FIBCD1: variants seen among roughly 807,000 people sequenced by gnomAD.
FIBCD1 encodes the protein fibrinogen C domain containing 1.
Under a neutral mutation model 45.1 loss-of-function variants are expected in FIBCD1, and 47 were observed. The observed-to-expected ratio is 1.04, with a 90% confidence interval of 0.82 to 1.33. The LOEUF (loss-of-function observed/expected upper bound fraction) is 1.33, where lower values mean the gene tolerates loss of function less well. Ranked by LOEUF, FIBCD1 falls within the 40% of genes most tolerant of loss-of-function variation. FIBCD1 has a pLI of 0.00. For missense variants in FIBCD1, 653 were observed against 682.2 expected (o/e 0.96, Z 0.48); for synonymous variants, 313 against 308.1 (o/e 1.02, Z -0.17).
chr9:130,903,871 G>T lies in FIBCD1; in HGVS notation c.*193C>A. The stretch of plus-strand genomic sequence containing the variant: ...AGATCAGTGAGCTGCCAAATGGAGG[G>T]GGTGGGGACGGCGAGAAGGCGATGT... On this transcript the variant is annotated 3_prime_UTR_variant, in exon 7 of 7. Coordinates refer to ENST00000372338, the MANE Select transcript of FIBCD1 (RefSeq NM_032843.5). The T allele has an allele frequency of 1.4e-6, 1 of 714,008 alleles. No individual in the cohort carries two copies. Among genetic ancestry groups the T allele is most frequent in the Non-Finnish European group, 2.5e-6 (1 of 404,012 alleles). 44.2% of individuals were successfully genotyped at this position (714,008 alleles called of 1,614,324 possible).
At chr9:130,911,695 C>T (rs1397202591) in intron 5 of FIBCD1, 97 bp downstream of exon 5, 7 of 1,145,768 alleles carry the variant, frequency 6.1e-6, no homozygotes, top group African/African-American at 1.6e-5. Flanking sequence ...CAGGGAAACC[C>T]AGCCCAAACC....
intron 5 of FIBCD1, among the ~76,000 whole-genome samples, chr9:130,909,346 G>T (rs1276921147): frequency 6.6e-6 from 1 of 152,234 alleles, no homozygotes; most frequent in African/African-American, 2.4e-5. Context: ...AGTGCAGGAG[G>T]ACACTGTGGG....
intron 5 of FIBCD1, among the ~76,000 whole-genome samples, chr9:130,907,794 G>A (rs1831960227): frequency 6.6e-6 from 1 of 151,816 alleles, no homozygotes; most frequent in South Asian, 2.1e-4. Flanking sequence ...AGCTACTTGG[G>A]AGGCTGAGGC....
intron 1 of FIBCD1, 132 bp downstream of exon 1, chr9:130,938,404 G>T: frequency 1.4e-6 from 1 of 720,824 alleles, no homozygotes; most frequent in Non-Finnish European, 2.0e-6. Flanking sequence ...TCCCCATCCC[G>T]GCCCGGGCCT....
rs899873676 is a variant in FIBCD1, at chr9:130,926,045, C to T, written c.553-1649G>A. 2.0e-5 allele frequency among the ~76,000 whole-genome samples: 3 copies of T among 152,086 alleles called. No homozygotes were observed. Among genetic ancestry groups the T allele is most frequent in the Admixed American group, 6.5e-5 (1 of 15,274 alleles). ...GAGGAGCAGAGATGGGCAGGCAGGG[C>T]GTTTGGGTTTCACGGCAGCATCCTG... On this transcript the variant is annotated intron_variant, in intron 2 of 6. Coordinates refer to ENST00000372338, the MANE Select transcript of FIBCD1 (RefSeq NM_032843.5). This position sits in a 1 kb window ranked among gnomAD's most constrained non-coding sequence, Gnocchi z 4.1.
In FIBCD1 at chr9:130,924,346, G is replaced by A. The variant is rs141420720; in HGVS notation, c.603C>T (p.Ser201=). ...GHMAHLVNSV[S]DILDALQRDR... is the part of the protein sequence containing the mutation. Reference sequence around the variant, plus strand: ...CCCTCTGCAGGGCATCCAGGATGTCGCTGACGGAGTTCACCAGGTGAGCCA... The same window carrying A: ...CCCTCTGCAGGGCATCCAGGATGTCACTGACGGAGTTCACCAGGTGAGCCA... Residue 201 remains serine, a synonymous_variant, in exon 3 of 7, where the codon AGC becomes AGT. Transcript: ENST00000372338. 123 of 1,608,986 alleles carry A rather than the reference G, an allele frequency of 7.6e-5. No homozygotes were observed. Among genetic ancestry groups the A allele is most frequent in the Middle Eastern group, 3.3e-4 (2 of 6,074 alleles).
At chr9:130,915,659 G>A (rs1019653417) in intron 4 of FIBCD1, among the ~76,000 whole-genome samples, 4 of 152,110 alleles carry the variant, frequency 2.6e-5, no homozygotes, top group Non-Finnish European at 5.9e-5. Flanking sequence ...CCGAGATCGC[G>A]CCACTGCACT....
chr9:130,929,437 C>G, intron 2 of FIBCD1, 130 bp downstream of exon 2: 1 of 1,234,904 alleles, frequency 8.1e-7, no homozygotes, highest in South Asian at 2.0e-5. Flanking sequence ...TAGATGGGAA[C>G]AGCAGTAGCC....
At chr9:130,912,395 A>C (rs1374164784) in intron 4 of FIBCD1, among the ~76,000 whole-genome samples, 1 of 63,192 alleles carries the variant, frequency 1.6e-5, no homozygotes. Context: ...TCTCTCTCAA[A>C]AAAAAAAAAA....
rs1430132332 is a variant in FIBCD1 at position 130,917,257 on chromosome 9, G to A, written c.850-5369C>T. Among the ~76,000 whole-genome samples, 5 of 152,250 alleles carry A rather than the reference G, an allele frequency of 3.3e-5. No homozygotes were observed. In the East Asian group the frequency reaches 7.7e-4, roughly 23 times the overall value. ...TTGAGTAGAAACACTCGCCGCAGCC[G>A]CAGCCTCTTGGGCAGATGCCACGAG... On this transcript the variant is annotated intron_variant, in intron 4 of 6. Transcript: ENST00000372338.
intron 1 of FIBCD1, among the ~76,000 whole-genome samples, chr9:130,931,561 C>T (rs56842876): frequency 9.2e-5 from 14 of 152,242 alleles, no homozygotes; most frequent in African/African-American, 2.9e-4. Context: ...AGGGCAGGCG[C>T]GATAAAAAAC....
intron 2 of FIBCD1, among the ~76,000 whole-genome samples, chr9:130,925,961 C>T (rs1431432900): frequency 2.0e-5 from 3 of 152,210 alleles, no homozygotes; most frequent in Admixed American, 6.5e-5. Context: ...CTTTTAGTTT[C>T]CCTGTCAGTT....
rs1211434522 is a variant in FIBCD1 at position 130,926,537 on chromosome 9, A to AG, written c.553-2142dup. 1.3e-5 allele frequency among the ~76,000 whole-genome samples: 2 copies of AG among 152,166 alleles called. No homozygotes were observed. Among genetic ancestry groups the AG allele is most frequent in the East Asian group, 3.9e-4 (2 of 5,184 alleles). On this transcript the variant is annotated intron_variant, in intron 2 of 6. Transcript: ENST00000372338. The surrounding 1 kb of genome is among the most constrained non-coding windows in gnomAD (Gnocchi z 4.1). ...TGCCTCTCCATAAAATGGGATAACA[A>AG]GGCCGGGTGTGGTGGCTCACGCCTG... is the stretch of plus-strand genomic sequence containing the variant.
In FIBCD1 at chr9:130,902,693, C is replaced by T. The variant is rs963753828; in HGVS notation, c.*1371G>A. ...AGGCTGACTCCAGCCCTTTCGGAGGCCCCCCATCAGGAGGCCTTGGAAAAG... is the reference window on the plus strand; with the variant it reads ...AGGCTGACTCCAGCCCTTTCGGAGGTCCCCCATCAGGAGGCCTTGGAAAAG... On this transcript the variant is annotated 3_prime_UTR_variant, in exon 7 of 7. Transcript: ENST00000372338. 1 of 79,092 alleles carries T rather than the reference C, an allele frequency of 1.3e-5. No homozygotes were observed. Among genetic ancestry groups the T allele is most frequent in the Non-Finnish European group, 3.0e-5 (1 of 33,174 alleles). The allele number at this position is 79,092 out of a possible 1,614,324, so 4.9% of individuals were successfully genotyped here. A position where few individuals can be genotyped will look rare whatever the true frequency, so the allele number is the denominator to read the frequency against.
At chr9:130,940,325 CT>C, upstream of FIBCD1, among the ~76,000 whole-genome samples, 1 of 152,382 alleles carries the variant, frequency 6.6e-6, no homozygotes, top group East Asian at 1.9e-4. Context: ...CCCCAGCCGC[CT>C]TTTCCTTCCA....
intron 4 of FIBCD1, among the ~76,000 whole-genome samples, chr9:130,919,812 C>T (rs1018863883): frequency 6.6e-6 from 1 of 152,220 alleles, no homozygotes; most frequent in Non-Finnish European, 1.5e-5. Flanking sequence ...GGGGTCCTAT[C>T]ATGGCCACTC....
chr9:130,913,208 A>G (rs10125388), intron 4 of FIBCD1, among the ~76,000 whole-genome samples: 81,127 of 151,650 alleles, frequency 0.53, 23,819 homozygotes, highest in African/African-American at 0.78. Context: ...AATCCGTCCC[A>G]GCCGGCCTCC....
chr9:130,906,078 G>A (rs541346741), intron 5 of FIBCD1, among the ~76,000 whole-genome samples: 43 of 152,240 alleles, frequency 2.8e-4, no homozygotes, highest in East Asian at 7.7e-4. Flanking sequence ...CTTACCCAGC[G>A]CTGGCTTAGT....
chr9:130,921,009 T>C (rs1286043745), intron 4 of FIBCD1, among the ~76,000 whole-genome samples: 3 of 152,158 alleles, frequency 2.0e-5, no homozygotes, highest in African/African-American at 7.2e-5. Flanking sequence ...TCCCTGGCCT[T>C]CTCTGAGGCT....
Sources: allele counts gnomAD v4.1 joint callset (sites outside exome capture counted in the v4.1 genomes callset), GRCh38; gene constraint gnomAD v4.1.1; non-coding constraint Gnocchi (gnomAD v3.1); transcripts MANE v1.5; gene names NCBI Gene and HGNC (gene_info 2026-07-23, HGNC 2026-07-21).